ZNF473: variants seen among roughly 807,000 people sequenced by gnomAD.
The protein encoded by ZNF473 is zinc finger protein 100 homolog.
A neutral mutation model predicts 11.1 loss-of-function variants in ZNF473; 4 were observed. The ratio of observed to expected loss-of-function variants is 0.36; its 90% CI spans 0.18 to 0.82. The LOEUF (loss-of-function observed/expected upper bound fraction) is 0.82. Among genes scored for constraint, ZNF473 ranks in the 40% least tolerant of loss-of-function variants. The probability of loss-of-function intolerance (pLI) is 0.49; values close to 1 mark genes in which losing one functional copy is unlikely to be tolerated. For synonymous variants in ZNF473, 404 were observed against 390.4 expected (o/e 1.03, Z -0.41); for missense variants, 854 against 1,084.0 (o/e 0.79, Z 2.98).
intron 2 of ZNF473, among the ~76,000 whole-genome samples, chr19:50,038,447 T>C (rs1978591476): frequency 6.6e-6 from 1 of 152,078 alleles, no homozygotes; most frequent in South Asian, 2.1e-4. Context: ...GTCAGGCCTC[T>C]GCTCTCCTGA....
rs144588749 is a variant in ZNF473 at position 50,045,504 on chromosome 19, C to T, written c.1061C>T (p.Ala354Val). ...RKRYECSKCQ[A>V]TFNLRKHLIQ... ...CGCTATGAGTGTTCCAAGTGCCAGG[C>T]GACCTTCAACTTGAGAAAACACCTC... The change falls in exon 5 of 5, where the codon GCG becomes GTG. Residue 354 changes from alanine (A) to valine (V), a missense_variant. Around this residue, in one of 2 missense-constraint regions of ZNF473, gnomAD observed 668 missense variants for 790.2 expected, o/e 0.85. Transcript: ENST00000270617. The T allele has an allele frequency of 2.8e-5, 45 of 1,614,076 alleles. No individual in the cohort carries two copies. The highest frequency in any genetic ancestry group is 1.7e-4 in the African/African-American group (13 of 74,922).
chr19:50,045,810 A>T lies in ZNF473; in HGVS notation c.1367A>T (p.Tyr456Phe). ...LNEHRRIHTG[Y>F]RPHKCQECVR... ...GAACATCGGCGAATTCATACAGGCT[A>T]CAGACCCCACAAATGTCAGGAATGC... Residue 456 changes from tyrosine to phenylalanine, a missense_variant, in exon 5 of 5, where the codon TAC becomes TTC. Coordinates refer to ENST00000270617, the MANE Select transcript of ZNF473 (RefSeq NM_015428.4). The T allele has an allele frequency of 6.2e-7, 1 of 1,614,098 alleles. No individual in the cohort carries two copies.
At chr19:50,035,996 T>G (rs181078841) in intron 2 of ZNF473, among the ~76,000 whole-genome samples, 14 of 152,088 alleles carry the variant, frequency 9.2e-5, no homozygotes, top group Non-Finnish European at 7.4e-5. Context: ...GAGACTCTGT[T>G]TTCTAGGCTG....
rs1412740991 is a variant in ZNF473, at chr19:50,041,836, G to T, written c.226+17G>T. The T allele has an allele frequency of 6.3e-7, 1 of 1,598,842 alleles. No individual in the cohort carries two copies. Among genetic ancestry groups the T allele is most frequent in the African/African-American group, 1.4e-5 (1 of 73,646 alleles). On this transcript the variant is annotated intron_variant, in intron 4 of 4. Transcript: ENST00000270617. The stretch of plus-strand genomic sequence containing the variant: ...CAAGCCCTGGTGAGTGGATGGAGAG[G>T]GGCCCCTTGTGTACCTTCTGTCTTC...
rs374731159 is a variant in ZNF473, at chr19:50,045,000, A to G, written c.557A>G (p.Tyr186Cys). 5.6e-6 allele frequency: 9 copies of G among 1,614,124 alleles called. No individual in the cohort carries two copies. The highest frequency in any genetic ancestry group is 1.1e-5 in the South Asian group (1 of 91,090). ...KTLTPAKSKE[Y>C]RGEFFSYSDH... ...CTCACACCAGCTAAGTCTAAGGAAT[A>G]TAGGGGTGAGTTTTTCTCCTACTCC... Residue 186 changes from tyrosine (Y) to cysteine (C), a missense_variant, in exon 5 of 5, where the codon TAT (tyrosine) becomes TGT (cysteine). Physicochemically the swap from Tyr to Cys is radical, Grantham distance 194. Coordinates refer to ENST00000270617, the MANE Select transcript of ZNF473 (RefSeq NM_015428.4).
intron 3 of ZNF473, among the ~76,000 whole-genome samples, chr19:50,040,191 G>A (rs886897634): frequency 6.6e-6 from 1 of 152,232 alleles, no homozygotes; most frequent in East Asian, 1.9e-4. Context: ...AGTCAGCAAA[G>A]GGAGGAGGTA....
intron 3 of ZNF473, chr19:50,041,426 G>A (rs571011495): frequency 8.5e-4 from 182 of 213,396 alleles, no homozygotes; most frequent in African/African-American, 4.0e-3. Context: ...AAGGAAGTAC[G>A]TGCCTCTCCA....
intron 2 of ZNF473, among the ~76,000 whole-genome samples, chr19:50,031,996 G>C (rs376615551): frequency 6.6e-6 from 1 of 151,630 alleles, no homozygotes; most frequent in African/African-American, 2.4e-5. Flanking sequence ...GTGTCTCTCC[G>C]TCAGACCATG....
At chr19:50,036,608 G>A (rs1027570652) in intron 2 of ZNF473, among the ~76,000 whole-genome samples, 1 of 151,636 alleles carries the variant, frequency 6.6e-6, no homozygotes, top group African/African-American at 2.4e-5. Context: ...ACAGGTTTGA[G>A]CCACTGCGCC....
chr19:50,029,287 C>T (rs1178407347), intron 1 of ZNF473, among the ~76,000 whole-genome samples: 6 of 152,168 alleles, frequency 3.9e-5, no homozygotes, highest in East Asian at 1.9e-4. Context: ...GGACTACAGG[C>T]GCCCACCACC....
intron 1 of ZNF473, among the ~76,000 whole-genome samples, chr19:50,029,010 T>A (rs2077302492): frequency 6.6e-6 from 1 of 152,254 alleles, no homozygotes; most frequent in Non-Finnish European, 1.5e-5. Context: ...TTACCTGAAC[T>A]ACTACAGGGT....
At chr19:50,043,396 C>T (rs1431889407) in intron 4 of ZNF473, 3 of 137,698 alleles carry the variant, frequency 2.2e-5, no homozygotes, top group African/African-American at 8.3e-5. Flanking sequence ...GATCGTGCAG[C>T]ACTTCAGCCT....
At chr19:50,031,236 C>T in intron 2 of ZNF473, 145 bp downstream of exon 2, 2 of 1,080,928 alleles carry the variant, frequency 1.9e-6, no homozygotes, top group East Asian at 2.6e-5. Context: ...TTGTTTTGGC[C>T]TCCCTGTCCC....
At chr19:50,030,129 G>T (rs1229372543) in intron 1 of ZNF473, among the ~76,000 whole-genome samples, 1 of 152,138 alleles carries the variant, frequency 6.6e-6, no homozygotes, top group East Asian at 1.9e-4. Flanking sequence ...GAGATTACAG[G>T]CGTGAGCTAC....
At chr19:50,033,426 C>T (rs2077327715) in intron 2 of ZNF473, among the ~76,000 whole-genome samples, 1 of 152,020 alleles carries the variant, frequency 6.6e-6, no homozygotes, top group African/African-American at 2.4e-5. Flanking sequence ...TGTATGGTCT[C>T]TGTCTTTAAA....
intron 3 of ZNF473, among the ~76,000 whole-genome samples, chr19:50,040,125 C>T (rs1249087194): frequency 2.0e-5 from 3 of 152,336 alleles, no homozygotes; most frequent in African/African-American, 4.8e-5. Context: ...TCCCAGGACT[C>T]ATCCTGTAGT....
At chr19:50,027,515 C>T (rs1046774854) in intron 1 of ZNF473, among the ~76,000 whole-genome samples, 2 of 152,096 alleles carry the variant, frequency 1.3e-5, no homozygotes, top group Non-Finnish European at 2.9e-5. Context: ...CCTCTGGGCC[C>T]TCGTTTCTTT....
chr19:50,045,836 G>A lies in ZNF473; in HGVS notation c.1393G>A (p.Val465Ile), dbSNP rs771121323. The A allele has an allele frequency of 5.9e-5, 96 of 1,613,934 alleles. No homozygotes were observed. The highest frequency in any genetic ancestry group is 4.5e-4 in the East Asian group (20 of 44,888). The change falls in exon 5 of 5, where the codon GTC becomes ATC. Residue 465 changes from valine to isoleucine, a missense_variant. Val to Ile is a conservative substitution (Grantham distance 29, BLOSUM62 3). Transcript: ENST00000270617. Reference protein sequence around the residue: ...GYRPHKCQECVRSFSRPSHLM... With the variant: ...GYRPHKCQECIRSFSRPSHLM... ...CAGACCCCACAAATGTCAGGAATGC[G>A]TCAGGAGTTTCAGCCGGCCCTCACA...
intron 1 of ZNF473, among the ~76,000 whole-genome samples, chr19:50,028,045 T>C (rs1467936200): frequency 6.6e-6 from 1 of 151,470 alleles, no homozygotes; most frequent in Non-Finnish European, 1.5e-5. Flanking sequence ...ATGCCTGTAA[T>C]CCCAGCACTT....
Sources: gnomAD v4.1 joint callset for allele counts (sites outside exome capture counted in the v4.1 genomes callset) on GRCh38, gnomAD v4.1.1 for gene constraint, gnomAD v4.1.1 regional missense constraint, MANE v1.5 for transcripts, NCBI Gene and HGNC (gene_info 2026-07-23, HGNC 2026-07-21) for gene names.